The following KAZN variants were observed in gnomAD, a reference collection of about 807,000 sequenced individuals.
The protein encoded by KAZN is kazrin.
KAZN carries 40 observed loss-of-function variants against 87.4 expected under a neutral mutation model. The ratio of observed to expected loss-of-function variants is 0.46; its 90% CI spans 0.36 to 0.60. KAZN has a LOEUF of 0.60. Among genes scored for constraint, KAZN ranks in the 20% least tolerant of loss-of-function variants. The pLI is 0.00. For synonymous variants in KAZN, 466 were observed against 458.3 expected (o/e 1.02, Z -0.22); for missense variants, 898 against 1,073.9 (o/e 0.84, Z 2.29).
intron 1 of KAZN, among the ~76,000 whole-genome samples, chr1:14,148,078 G>C (rs149674558): frequency 0.021 from 3,166 of 151,530 alleles, 101 homozygotes; most frequent in African/African-American, 0.071. Context: ...AAAATTAGCC[G>C]GGTGTGGTGG....
rs887889198 is a variant in KAZN, at chr1:14,629,085, G to A, written c.226+29862G>A. On this transcript the variant is annotated intron_variant, in intron 1 of 14. Transcript: ENST00000376030. ...TGGTCTTGAACTCCTGACCTCAGGC[G>A]ATCCGCCTGTCTTAGCCTCCCAAAG... Among the ~76,000 whole-genome samples the A allele has an allele frequency of 5.3e-5, 8 of 152,124 alleles. No homozygotes were observed. In the South Asian group the frequency reaches 1.2e-3, roughly 24 times the overall value.
At chr1:14,663,010 G>A (rs1049576286) in intron 1 of KAZN, among the ~76,000 whole-genome samples, 2 of 148,578 alleles carry the variant, frequency 1.3e-5, no homozygotes, top group Admixed American at 1.3e-4. Context: ...TCACTGTGTT[G>A]CCCAGGGTGG....
At chr1:14,746,879 T>C (rs1304399621) in intron 1 of KAZN, among the ~76,000 whole-genome samples, 1 of 152,238 alleles carries the variant, frequency 6.6e-6, no homozygotes, top group East Asian at 1.9e-4. Context: ...ACCCTTTTAA[T>C]CATTTTTAAG....
At chr1:14,858,619 T>C (rs191706031) in intron 1 of KAZN, among the ~76,000 whole-genome samples, 1 of 152,350 alleles carries the variant, frequency 6.6e-6, no homozygotes, top group East Asian at 1.9e-4. Flanking sequence ...TGTACAAGTA[T>C]TCAATTCAAT....
rs145617100 is a variant in KAZN, at chr1:14,443,183, A to G, written c.250-155800A>G. Among the ~76,000 whole-genome samples the G allele has an allele frequency of 2.6e-5, 4 of 152,322 alleles. No homozygotes were observed. In the East Asian group the frequency reaches 7.7e-4, roughly 29 times the overall value. ...AGTAATATATTAAAAGAAAGGTTTTATTTTGTATTGTTTTGTTTTGCAAAT... is the reference window on the plus strand; with the variant it reads ...AGTAATATATTAAAAGAAAGGTTTTGTTTTGTATTGTTTTGTTTTGCAAAT... On this transcript the variant is annotated intron_variant, in intron 2 of 16. Transcript: ENST00000636203.
Position 14,198,714 on chromosome 1 carries a change from A to G in KAZN, c.249+18122A>G, listed in dbSNP as rs372002126. 5.3e-5 allele frequency among the ~76,000 whole-genome samples: 8 copies of G among 152,336 alleles called. No individual in the cohort carries two copies. The South Asian group carries it at 8.3e-4, about 16-fold the overall frequency. On this transcript the variant is annotated intron_variant, in intron 2 of 16. Transcript: ENST00000636203. ...GAGGTGAATGTTTATAACTATTAAT[A>G]TGAAAGTGAGTATTGAGAACTTAAG... is the stretch of plus-strand genomic sequence containing the variant.
chr1:14,173,350 A>T (rs1570935341), intron 1 of KAZN, among the ~76,000 whole-genome samples: 3 of 152,274 alleles, frequency 2.0e-5, no homozygotes, highest in East Asian at 1.9e-4. Flanking sequence ...CTGTGGCTGA[A>T]TCCTGTGCTG....
chr1:14,287,891 G>A (rs567355179), intron 2 of KAZN, among the ~76,000 whole-genome samples: 1 of 152,294 alleles, frequency 6.6e-6, no homozygotes, highest in Non-Finnish European at 1.5e-5. Context: ...AGCATGAAGG[G>A]CTGTTGAATT....
rs980263353 is a variant in KAZN at position 15,099,845 on chromosome 1, C to T, written c.1548-1698C>T. On this transcript the variant is annotated intron_variant, in intron 10 of 14. Transcript: ENST00000376030. This position sits in a 1 kb window ranked among gnomAD's most constrained non-coding sequence, Gnocchi z 5.4. ...GTGGCAGAAACCCACACCAGAGACG[C>T]CTGCAGCTTAGAGCTGGGAAAGGAG... Among the ~76,000 whole-genome samples the T allele has an allele frequency of 5.3e-5, 8 of 152,098 alleles. No individual in the cohort carries two copies. Among genetic ancestry groups the T allele is most frequent in the South Asian group, 2.1e-4 (1 of 4,814 alleles).
At chr1:14,230,238 T>G (rs1410905750) in intron 2 of KAZN, among the ~76,000 whole-genome samples, 1 of 152,148 alleles carries the variant, frequency 6.6e-6, no homozygotes, top group Non-Finnish European at 1.5e-5. Context: ...TAATCAGAGT[T>G]TGGTCTGAGT....
intron 1 of KAZN, among the ~76,000 whole-genome samples, chr1:14,139,381 A>G (rs934837206): frequency 1.3e-5 from 2 of 152,198 alleles, no homozygotes; most frequent in African/African-American, 2.4e-5. Flanking sequence ...CCTGAAATCC[A>G]TGTCTTAAGC....
chr1:14,530,792 AC>A (rs1672166621), intron 2 of KAZN, among the ~76,000 whole-genome samples: 1 of 152,032 alleles, frequency 6.6e-6, no homozygotes, highest in Non-Finnish European at 1.5e-5. Flanking sequence ...CTTATAAATT[AC>A]CCAGTCTCTG....
intron 1 of KAZN, among the ~76,000 whole-genome samples, chr1:14,097,747 GGCT>G (rs1644160514): frequency 6.6e-6 from 1 of 152,070 alleles, no homozygotes; most frequent in Non-Finnish European, 1.5e-5. Context: ...AGCTCAATCT[GGCT>G]CTCAGATATG....
chr1:14,846,885 C>T (rs1385381367), intron 1 of KAZN, among the ~76,000 whole-genome samples: 5 of 152,144 alleles, frequency 3.3e-5, no homozygotes. Flanking sequence ...GCCACACAGC[C>T]AGCAAGCAGC....
chr1:13,992,684 T>C (rs1639339662), intron 1 of KAZN, among the ~76,000 whole-genome samples: 1 of 152,124 alleles, frequency 6.6e-6, no homozygotes. Flanking sequence ...CTCAGCTCTC[T>C]GGGAAGGTAA....
chr1:14,816,074 G>T (rs1646554388), intron 1 of KAZN, among the ~76,000 whole-genome samples: 1 of 152,122 alleles, frequency 6.6e-6, no homozygotes, highest in Admixed American at 6.6e-5. Context: ...TTCTGTTGGG[G>T]TTTGAGGAGA....
At chr1:14,413,152 G>A (rs912550654) in intron 2 of KAZN, among the ~76,000 whole-genome samples, 2 of 150,862 alleles carry the variant, frequency 1.3e-5, no homozygotes, top group Non-Finnish European at 2.9e-5. Context: ...ACTAGATAGA[G>A]ATTAGATATC....
intron 1 of KAZN, among the ~76,000 whole-genome samples, chr1:14,895,458 G>A (rs1293067555): frequency 6.6e-6 from 1 of 152,206 alleles, no homozygotes; most frequent in East Asian, 1.9e-4. Flanking sequence ...TCCCACCCAT[G>A]TCTCAGCAGC....
intron 1 of KAZN, among the ~76,000 whole-genome samples, chr1:14,104,733 C>G (rs2101654014): frequency 6.6e-6 from 1 of 152,236 alleles, no homozygotes; most frequent in East Asian, 1.9e-4. Context: ...GAATTTGTAC[C>G]CTTATCATTT....
Sources: allele counts gnomAD v4.1 joint callset (sites outside exome capture counted in the v4.1 genomes callset), GRCh38; gene constraint gnomAD v4.1.1; non-coding constraint Gnocchi (gnomAD v3.1); transcripts MANE v1.5; gene names NCBI Gene and HGNC (gene_info 2026-07-23, HGNC 2026-07-21).